ARHGEF4: variants seen among roughly 807,000 people sequenced by gnomAD.
The protein encoded by ARHGEF4 is APC-stimulated guanine nucleotide exchange factor 1.
Under a neutral mutation model 162.0 loss-of-function variants are expected in ARHGEF4, and 119 were observed. That is an observed-to-expected ratio of 0.73 (90% CI 0.63 to 0.86). The LOEUF (loss-of-function observed/expected upper bound fraction) is 0.86, where lower values mean the gene tolerates loss of function less well. Among genes scored for constraint, ARHGEF4 ranks in the 40% least tolerant of loss-of-function variants. ARHGEF4 has a pLI of 0.00. For missense variants in ARHGEF4, 2,488 were observed against 2,456.0 expected (o/e 1.01, Z -0.28); for synonymous variants, 1,014 against 979.9 (o/e 1.03, Z -0.65).
intron 4 of ARHGEF4, among the ~76,000 whole-genome samples, chr2:131,006,920 C>T (rs1688151123): frequency 6.6e-6 from 1 of 152,164 alleles, no homozygotes; most frequent in Non-Finnish European, 1.5e-5. Flanking sequence ...CAGTTGGGTA[C>T]TTGTAAGGGA....
intron 1 of ARHGEF4, among the ~76,000 whole-genome samples, chr2:130,864,130 G>T (rs561158279): frequency 6.6e-6 from 1 of 151,712 alleles, no homozygotes; most frequent in African/African-American, 2.4e-5. Flanking sequence ...AGCTTGCAGT[G>T]AGCCGAGATT....
At chr2:131,004,964 A>G (rs1277987495) in intron 4 of ARHGEF4, among the ~76,000 whole-genome samples, 1 of 152,032 alleles carries the variant, frequency 6.6e-6, no homozygotes, top group East Asian at 1.9e-4. Context: ...GAGGGTGGGG[A>G]AAGCTTGTGG....
intron 1 of ARHGEF4, among the ~76,000 whole-genome samples, chr2:130,837,287 C>T (rs1022357721): frequency 3.9e-5 from 6 of 152,134 alleles, no homozygotes; most frequent in Non-Finnish European, 7.4e-5. Context: ...GAGCCGGCCT[C>T]CCCGCACCTG....
intron 1 of ARHGEF4, among the ~76,000 whole-genome samples, chr2:130,847,808 C>T (rs190957073): frequency 2.4e-3 from 373 of 152,336 alleles, no homozygotes; most frequent in African/African-American, 7.9e-3. Context: ...GTGAGTCAGG[C>T]ATGGAAGGCG....
At chr2:130,870,563 A>G (rs1165172018) in intron 1 of ARHGEF4, among the ~76,000 whole-genome samples, 1 of 152,116 alleles carries the variant, frequency 6.6e-6, no homozygotes, top group Non-Finnish European at 1.5e-5. Context: ...TCTCAGAACC[A>G]TGCACCTTGA....
intron 1 of ARHGEF4, among the ~76,000 whole-genome samples, chr2:130,867,309 G>A (rs1271062438): frequency 6.6e-6 from 1 of 151,692 alleles, no homozygotes; most frequent in Non-Finnish European, 1.5e-5. Flanking sequence ...TGCGATCTCG[G>A]CTCACTGCAA....
intron 4 of ARHGEF4, among the ~76,000 whole-genome samples, chr2:130,996,558 T>C (rs1346212964): frequency 6.6e-6 from 1 of 152,206 alleles, no homozygotes; most frequent in Non-Finnish European, 1.5e-5. Context: ...GATAAATACC[T>C]GGATTGCCTT....
chr2:130,862,525 T>G (rs1021177624), intron 1 of ARHGEF4, among the ~76,000 whole-genome samples: 1 of 15,858 alleles, frequency 6.3e-5, no homozygotes, highest in Non-Finnish European at 1.0e-4. Context: ...CATCTTGGGT[T>G]AGGCAATGGT....
At chr2:130,903,873 T>G (rs1286912526) in intron 1 of ARHGEF4, among the ~76,000 whole-genome samples, 1 of 152,242 alleles carries the variant, frequency 6.6e-6, no homozygotes, top group East Asian at 1.9e-4. Context: ...TTTTTATGGC[T>G]GCATAGTTCT....
At chr2:130,944,158 T>TC (rs1308482752) in intron 3 of ARHGEF4, among the ~76,000 whole-genome samples, 3 of 152,226 alleles carry the variant, frequency 2.0e-5, no homozygotes, top group Admixed American at 1.3e-4. Context: ...AAATGAATGT[T>TC]CCCCTCTGTG....
chr2:130,885,391 G>T (rs1468562445), intron 1 of ARHGEF4, among the ~76,000 whole-genome samples: 2 of 151,854 alleles, frequency 1.3e-5, no homozygotes, highest in African/African-American at 4.9e-5. Flanking sequence ...ACCGCGCCCG[G>T]CCTACATAAT....
chr2:131,002,571 G>A lies in ARHGEF4; in HGVS notation c.3986-25374G>A, dbSNP rs549740034. On this transcript the variant is annotated intron_variant, in intron 4 of 13. Coordinates refer to ENST00000409359, the MANE Select transcript of ARHGEF4 (RefSeq NM_001367493.1). ...TAAAAATACAAAAAATTAGCTGGGC[G>A]TGTTGGCAGGCACCTGTAGTCCTAG... Among the ~76,000 whole-genome samples the A allele has an allele frequency of 9.9e-5, 15 of 152,184 alleles. No homozygotes were observed. The South Asian group carries it at 2.3e-3, about 23-fold the overall frequency.
intron 2 of ARHGEF4, among the ~76,000 whole-genome samples, chr2:130,927,074 T>A (rs1043971567): frequency 4.6e-5 from 7 of 151,950 alleles, no homozygotes; most frequent in Admixed American, 3.9e-4. Flanking sequence ...TATTTGTGGT[T>A]TATGGTCATG....
At chr2:131,038,587 G>A (rs1365088827) in intron 5 of ARHGEF4, among the ~76,000 whole-genome samples, 1 of 152,212 alleles carries the variant, frequency 6.6e-6, no homozygotes, top group Admixed American at 6.5e-5. Context: ...TGCTAACAGG[G>A]AGCAGTTGGC....
At chr2:130,854,112 C>T (rs548662773) in intron 1 of ARHGEF4, among the ~76,000 whole-genome samples, 6 of 152,124 alleles carry the variant, frequency 3.9e-5, no homozygotes, top group South Asian at 4.2e-4. Context: ...AAAAGAGAAA[C>T]GGTAAATAAA....
At chr2:131,004,521 C>A (rs1687988041) in intron 4 of ARHGEF4, among the ~76,000 whole-genome samples, 1 of 152,132 alleles carries the variant, frequency 6.6e-6, no homozygotes. Context: ...GTCTTTTCCT[C>A]AAAGTAAGGA....
At position 130,917,491 on chromosome 2, in the gene ARHGEF4, G is replaced by A. The variant is rs771672595; in HGVS notation, c.3545G>A (p.Gly1182Glu). The stretch of plus-strand genomic sequence containing the variant: ...GTGCCCTGGCTCAGGGACCTTCCTG[G>A]GAGTGAGGTGAGTATCTGAATCGCA... ...GTVPWLRDLP[G>E]SENHMPWEEP... Residue 1182 changes from glycine (G) to glutamate (E), a missense_variant, in exon 2 of 14, where the codon GGG becomes GAG. By Grantham distance (98) the Gly-to-Glu change is moderately conservative (BLOSUM62 -2). Coordinates refer to ENST00000409359, the MANE Select transcript of ARHGEF4 (RefSeq NM_001367493.1). 26 of 1,548,568 alleles carry A rather than the reference G, an allele frequency of 1.7e-5. No homozygotes were observed. The African/African-American group carries it at 3.4e-4, about 20-fold the overall frequency.
chr2:130,961,380 A>G (rs1490512920), intron 4 of ARHGEF4, among the ~76,000 whole-genome samples: 1 of 152,212 alleles, frequency 6.6e-6, no homozygotes, highest in Admixed American at 6.5e-5. Context: ...GAAGGAGCCA[A>G]GCCATGAAAA....
intron 5 of ARHGEF4, among the ~76,000 whole-genome samples, chr2:131,036,805 C>A (rs1690320828): frequency 4.6e-5 from 7 of 152,180 alleles, no homozygotes; most frequent in Admixed American, 3.9e-4. Context: ...TGTCACAGAC[C>A]CCAGGTCAGG....
Sources: allele counts gnomAD v4.1 joint callset (sites outside exome capture counted in the v4.1 genomes callset), GRCh38; gene constraint gnomAD v4.1.1; transcripts MANE v1.5; gene names NCBI Gene and HGNC (gene_info 2026-07-23, HGNC 2026-07-21).